The following RBFOX1 variants were observed in gnomAD, a reference collection of about 807,000 sequenced individuals.
RBFOX1 encodes the protein RNA binding protein fox-1 homolog 1.
A neutral mutation model predicts 57.7 loss-of-function variants in RBFOX1; 8 were observed. The observed-to-expected ratio is 0.14, with a 90% CI of 0.08 to 0.25. RBFOX1 has a LOEUF of 0.25. RBFOX1 is among the 10% of genes least tolerant of loss of function. The pLI is 1.00. For missense variants in RBFOX1, 611 were observed against 548.5 expected (o/e 1.11, Z -1.14); for synonymous variants, 326 against 222.4 (o/e 1.47, Z -4.15).
chr16:7,025,628 G>C (rs983761835), intron 3 of RBFOX1, among the ~76,000 whole-genome samples: 25 of 152,026 alleles, frequency 1.6e-4, no homozygotes, highest in African/African-American at 6.0e-4. Flanking sequence ...GGCATGTCCT[G>C]GGGGGGTTTT....
chr16:6,079,672 A>C (rs191125171), intron 1 of RBFOX1, among the ~76,000 whole-genome samples: 154 of 152,148 alleles, frequency 1.0e-3, no homozygotes, highest in African/African-American at 3.5e-3. Context: ...CCGTTTCTAC[A>C]AAAAAATAAA....
intron 5 of RBFOX1, among the ~76,000 whole-genome samples, chr16:7,530,240 A>C (rs1201916528): frequency 6.6e-6 from 1 of 152,086 alleles, no homozygotes; most frequent in Non-Finnish European, 1.5e-5. Context: ...GCAGAACCCA[A>C]TGTAAGGATG....
chr16:5,558,998 C>G (rs755755691), intron 2 of RBFOX1, among the ~76,000 whole-genome samples: 1 of 152,070 alleles, frequency 6.6e-6, no homozygotes, highest in Admixed American at 6.5e-5. Flanking sequence ...CACACTCTCA[C>G]ACTTTTTGAA....
At position 6,861,862 on chromosome 16, in the gene RBFOX1, A is replaced by G. The variant is rs1304772073; in HGVS notation, c.-15-190195A>G. On this transcript the variant is annotated intron_variant, in intron 3 of 15. Transcript: ENST00000550418. ...TTTTTTTTGGTTTTTTTTTTGGTCT[A>G]GCTTGCACTTTCTCCCTGCCCAGAA... is the stretch of plus-strand genomic sequence containing the variant. Among the ~76,000 whole-genome samples, 8 of 78,404 alleles carry G rather than the reference A, an allele frequency of 1.0e-4. No individual in the cohort carries two copies. The East Asian group carries it at 1.2e-3, about 12-fold the overall frequency. The allele number at this position is 78,404 out of a possible 152,430, so 51.4% of individuals were successfully genotyped here.
At chr16:6,324,824 G>A (rs1859283061) in intron 2 of RBFOX1, among the ~76,000 whole-genome samples, 1 of 152,150 alleles carries the variant, frequency 6.6e-6, no homozygotes, top group Non-Finnish European at 1.5e-5. Context: ...GAAGGTTGAA[G>A]GGAAGTATCA....
At chr16:5,625,014 A>G (rs930380961) in intron 3 of RBFOX1, among the ~76,000 whole-genome samples, 2 of 152,166 alleles carry the variant, frequency 1.3e-5, no homozygotes, top group Non-Finnish European at 2.9e-5. Flanking sequence ...CTGGCACGAG[A>G]GATACCAGCA....
At chr16:7,051,929 T>C (rs1366143781) in intron 3 of RBFOX1, 128 bp from the exon 4 acceptor site, 8 of 1,406,230 alleles carry the variant, frequency 5.7e-6, no homozygotes, top group Non-Finnish European at 5.8e-6. Context: ...AAAGAAAAAT[T>C]AAATACATAA....
At chr16:7,203,134 A>G (rs1021370266) in intron 4 of RBFOX1, among the ~76,000 whole-genome samples, 38 of 152,210 alleles carry the variant, frequency 2.5e-4, no homozygotes, top group African/African-American at 8.2e-4. Context: ...ATATGGGACT[A>G]ATACAAGTGT....
chr16:6,899,139 G>A (rs111873302), intron 3 of RBFOX1, among the ~76,000 whole-genome samples: 3 of 149,102 alleles, frequency 2.0e-5, no homozygotes, highest in Admixed American at 7.3e-5. Flanking sequence ...GTATATGTGT[G>A]TATGGACACA....
chr16:7,303,276 G>C (rs1348766475), intron 4 of RBFOX1, among the ~76,000 whole-genome samples: 5 of 152,200 alleles, frequency 3.3e-5, no homozygotes, highest in African/African-American at 4.8e-5. Context: ...TGCTCTGCTG[G>C]GGGGCGCAGA....
At chr16:7,595,931 C>G (rs1054064035) in intron 8 of RBFOX1, among the ~76,000 whole-genome samples, 3 of 151,166 alleles carry the variant, frequency 2.0e-5, no homozygotes, top group Non-Finnish European at 4.4e-5. Flanking sequence ...GTTTTATAAT[C>G]AATGGGTGCA....
At chr16:6,874,927 C>T (rs2061566254) in intron 3 of RBFOX1, among the ~76,000 whole-genome samples, 1 of 152,018 alleles carries the variant, frequency 6.6e-6, no homozygotes, top group Non-Finnish European at 1.5e-5. Flanking sequence ...AAAAGAAAAA[C>T]ATTGTTGAAA....
intron 4 of RBFOX1, among the ~76,000 whole-genome samples, chr16:7,156,863 T>C (rs1349390933): frequency 6.6e-6 from 1 of 152,202 alleles, no homozygotes; most frequent in Non-Finnish European, 1.5e-5. Flanking sequence ...CGATTTACTT[T>C]TCATAGATAT....
At chr16:6,618,146 G>A (rs2098170726) in intron 2 of RBFOX1, among the ~76,000 whole-genome samples, 1 of 152,048 alleles carries the variant, frequency 6.6e-6, no homozygotes, top group Admixed American at 6.6e-5. Context: ...AGTGTTACAG[G>A]GACATGAGGA....
chr16:5,526,705 A>AC (rs1271718932), intron 2 of RBFOX1, among the ~76,000 whole-genome samples: 1 of 151,434 alleles, frequency 6.6e-6, no homozygotes, highest in African/African-American at 2.4e-5. Context: ...TGAACATCTA[A>AC]CCCCCCTGCT....
At chr16:7,267,630 G>A (rs148350828) in intron 4 of RBFOX1, among the ~76,000 whole-genome samples, 1,696 of 150,686 alleles carry the variant, frequency 0.011, 23 homozygotes, top group African/African-American at 0.039. Context: ...TGAGGTGGGC[G>A]GATCACTTGA....
intron 1 of RBFOX1, among the ~76,000 whole-genome samples, chr16:5,306,380 C>G (rs1432155786): frequency 6.6e-6 from 1 of 150,796 alleles, no homozygotes; most frequent in Non-Finnish European, 1.5e-5. Context: ...AGTGTAGTGG[C>G]ATGATCTTGA....
chr16:5,658,239 A>G (rs1442075051), intron 3 of RBFOX1, among the ~76,000 whole-genome samples: 1 of 152,094 alleles, frequency 6.6e-6, no homozygotes, highest in Admixed American at 6.6e-5. Flanking sequence ...CAGGCAAACA[A>G]CCTGCTGGGA....
chr16:6,445,399 C>A (rs546047265), intron 2 of RBFOX1, among the ~76,000 whole-genome samples: 1 of 151,850 alleles, frequency 6.6e-6, no homozygotes. Flanking sequence ...ATCTAAAGCT[C>A]AGAGAAAAAC....
Sources: allele counts gnomAD v4.1 joint callset (sites outside exome capture counted in the v4.1 genomes callset), GRCh38; gene constraint gnomAD v4.1.1; transcripts MANE v1.5; gene names NCBI Gene and HGNC (gene_info 2026-07-23, HGNC 2026-07-21).